NOL4: variants seen among roughly 807,000 people sequenced by gnomAD.
NOL4 encodes the protein cancer/testis antigen 125.
In NOL4, 17 loss-of-function variants were observed where a neutral mutation model predicts 75.9. The ratio of observed to expected loss-of-function variants is 0.22; its 90% confidence interval spans 0.15 to 0.34. NOL4 has a LOEUF of 0.34. Among genes scored for constraint, NOL4 ranks in the 10% least tolerant of loss-of-function variants. The probability of loss-of-function intolerance (pLI) is 1.00; values close to 1 mark genes in which losing one functional copy is unlikely to be tolerated. For missense variants in NOL4, 614 were observed against 793.5 expected (o/e 0.77, Z 2.72); for synonymous variants, 292 against 289.9 (o/e 1.01, Z -0.07).
intron 4 of NOL4, among the ~76,000 whole-genome samples, chr18:34,099,385 A>C: frequency 6.6e-6 from 1 of 150,864 alleles, no homozygotes; most frequent in Non-Finnish European, 1.5e-5. Flanking sequence ...AAAGACAACT[A>C]CGCATGCTTC....
chr18:33,897,206 G>A (rs1002034553), intron 9 of NOL4, among the ~76,000 whole-genome samples: 1 of 152,144 alleles, frequency 6.6e-6, no homozygotes, highest in South Asian at 2.1e-4. Flanking sequence ...AAGCAGTATG[G>A]TGATTCCTCA....
At chr18:34,204,426 T>A (rs756965066) in intron 1 of NOL4, among the ~76,000 whole-genome samples, 1 of 141,318 alleles carries the variant, frequency 7.1e-6, no homozygotes, top group African/African-American at 2.9e-5. Flanking sequence ...GGTTCTCTTA[T>A]CCTTCTCTTA....
intron 1 of NOL4, among the ~76,000 whole-genome samples, chr18:34,188,931 TAGACTC>T (rs1309957294): frequency 6.6e-6 from 1 of 152,186 alleles, no homozygotes; most frequent in African/African-American, 2.4e-5. Context: ...TTTTTAAAAA[TAGACTC>T]AGGAAGATTA....
chr18:33,937,167 T>C (rs2068114652), intron 9 of NOL4, among the ~76,000 whole-genome samples: 1 of 152,080 alleles, frequency 6.6e-6, no homozygotes, highest in Non-Finnish European at 1.5e-5. Context: ...GCATTGCGAA[T>C]GGACTTCTGT....
chr18:34,057,181 T>C (rs1568284021), intron 5 of NOL4, among the ~76,000 whole-genome samples: 1 of 152,184 alleles, frequency 6.6e-6, no homozygotes, highest in East Asian at 1.9e-4. Context: ...GCAGGGATTT[T>C]ACACTGTTTG....
chr18:34,030,626 A>C (rs933775470), intron 5 of NOL4, among the ~76,000 whole-genome samples: 6 of 152,166 alleles, frequency 3.9e-5, no homozygotes, highest in Non-Finnish European at 8.8e-5. Flanking sequence ...TAGATAGGAG[A>C]AATAAGTTCC....
At chr18:33,929,653 AAATTCTC>A (rs2067557331) in intron 9 of NOL4, among the ~76,000 whole-genome samples, 4 of 152,162 alleles carry the variant, frequency 2.6e-5, no homozygotes, top group African/African-American at 7.2e-5. Flanking sequence ...CACTTAGTAA[AAATTCTC>A]AGTAAAAGTT....
chr18:33,856,830 T>G (rs1487790342), intron 10 of NOL4, among the ~76,000 whole-genome samples: 3 of 152,014 alleles, frequency 2.0e-5, no homozygotes, highest in Non-Finnish European at 4.4e-5. Context: ...AAATTCAAAC[T>G]ATAACAATTG....
At chr18:33,901,030 G>A (rs2065719129) in intron 9 of NOL4, among the ~76,000 whole-genome samples, 1 of 152,096 alleles carries the variant, frequency 6.6e-6, no homozygotes, top group South Asian at 2.1e-4. Context: ...AAGTTCATGT[G>A]AATTTAGGTA....
intron 4 of NOL4, among the ~76,000 whole-genome samples, chr18:34,100,586 A>T (rs1483203498): frequency 6.6e-6 from 1 of 152,212 alleles, no homozygotes; most frequent in Non-Finnish European, 1.5e-5. Flanking sequence ...ATTCTAGTTC[A>T]CAAACTCTCC....
At chr18:33,898,022 C>G (rs2065518069) in intron 9 of NOL4, among the ~76,000 whole-genome samples, 1 of 152,052 alleles carries the variant, frequency 6.6e-6, no homozygotes. Context: ...ATCCTCGCAC[C>G]TCAGCCTCCT....
intron 1 of NOL4, among the ~76,000 whole-genome samples, chr18:34,191,263 A>G (rs987434844): frequency 3.9e-5 from 6 of 152,206 alleles, no homozygotes; most frequent in Admixed American, 3.9e-4. Flanking sequence ...CTTCATTTCC[A>G]TTGTTCTAAA....
intron 10 of NOL4, among the ~76,000 whole-genome samples, chr18:33,874,730 T>C (rs866728687): frequency 5.9e-5 from 9 of 152,102 alleles, no homozygotes; most frequent in Non-Finnish European, 8.8e-5. Flanking sequence ...AGTGAATGAA[T>C]AAAAATGCTC....
intron 1 of NOL4, chr18:34,222,131 C>A (rs991197538): frequency 3.6e-5 from 55 of 1,531,752 alleles, no homozygotes; most frequent in Non-Finnish European, 4.8e-5. Flanking sequence ...CCCAGCCCCA[C>A]TGGCTTCTGC....
chr18:34,072,094 G>T (rs905469859), intron 5 of NOL4, among the ~76,000 whole-genome samples: 1 of 152,030 alleles, frequency 6.6e-6, no homozygotes, highest in Non-Finnish European at 1.5e-5. Context: ...AGCCGGGCGT[G>T]GTGGTGGGCA....
At chr18:34,149,532 T>C (rs993015000) in intron 1 of NOL4, among the ~76,000 whole-genome samples, 2 of 151,744 alleles carry the variant, frequency 1.3e-5, no homozygotes, top group Middle Eastern at 3.4e-3. Flanking sequence ...AGAATAGCTA[T>C]GATAGTGTTT....
chr18:33,865,171 G>T (rs1467483432), intron 10 of NOL4, among the ~76,000 whole-genome samples: 1 of 151,996 alleles, frequency 6.6e-6, no homozygotes, highest in East Asian at 1.9e-4. Context: ...TCATATTAAA[G>T]CCAGTTACAG....
At chr18:34,001,713 T>A (rs1420860919) in intron 6 of NOL4, 1 of 152,250 alleles carries the variant, frequency 6.6e-6, no homozygotes, top group African/African-American at 2.4e-5. Context: ...GCCTGTCAAG[T>A]GAAGCAATGG....
chr18:34,161,760 A>G (rs2031517820), intron 1 of NOL4, among the ~76,000 whole-genome samples: 1 of 152,094 alleles, frequency 6.6e-6, no homozygotes, highest in Admixed American at 6.5e-5. Flanking sequence ...ACAAATGTGA[A>G]TTAGAGATTT....
Sources: allele counts gnomAD v4.1 joint callset (sites outside exome capture counted in the v4.1 genomes callset), GRCh38; gene constraint gnomAD v4.1.1; transcripts MANE v1.5; gene names NCBI Gene and HGNC (gene_info 2026-07-23, HGNC 2026-07-21).